NCKAP5: variants seen among roughly 807,000 people sequenced by gnomAD.
The protein encoded by NCKAP5 is NCK associated protein 5, also known as nck-associated protein 5.
Under a neutral mutation model 167.0 loss-of-function variants are expected in NCKAP5, and 92 were observed. The ratio of observed to expected loss-of-function variants is 0.55; its 90% CI spans 0.47 to 0.66. The LOEUF is 0.66. Among genes scored for constraint, NCKAP5 ranks in the 30% least tolerant of loss-of-function variants. NCKAP5 has a pLI of 0.00. For missense variants in NCKAP5, 2,378 were observed against 2,315.0 expected (o/e 1.03, Z -0.56); for synonymous variants, 891 against 877.4 (o/e 1.02, Z -0.27).
chr2:133,174,853 C>T (rs1269954268), intron 5 of NCKAP5, among the ~76,000 whole-genome samples: 3 of 152,118 alleles, frequency 2.0e-5, no homozygotes, highest in Non-Finnish European at 4.4e-5. Context: ...TGCGTGTTTA[C>T]TTCTACACCA....
the NCKAP5 span, among the ~76,000 whole-genome samples, chr2:133,612,349 A>G: frequency 2.2e-4 from 34 of 152,328 alleles, no homozygotes; most frequent in South Asian, 6.2e-4. Flanking sequence ...AAGAGAAAAG[A>G]AAAACTTGAA....
At chr2:133,177,313 A>T (rs570557802) in intron 5 of NCKAP5, among the ~76,000 whole-genome samples, 2 of 152,084 alleles carry the variant, frequency 1.3e-5, no homozygotes, top group African/African-American at 4.8e-5. Context: ...AAGAAAACGA[A>T]AAAAGGAACA....
At chr2:133,006,947 T>C (rs1258689088) in intron 6 of NCKAP5, among the ~76,000 whole-genome samples, 1 of 152,216 alleles carries the variant, frequency 6.6e-6, no homozygotes, top group Non-Finnish European at 1.5e-5. Flanking sequence ...TGCATGCTTC[T>C]TGTGACACTT....
chr2:133,052,078 A>G (rs1573876146), intron 6 of NCKAP5, among the ~76,000 whole-genome samples: 1 of 152,242 alleles, frequency 6.6e-6, no homozygotes, highest in East Asian at 1.9e-4. Context: ...GAATATTTGT[A>G]ACAAAACATT....
chr2:133,663,127 G>A, the NCKAP5 span, among the ~76,000 whole-genome samples: 16 of 152,064 alleles, frequency 1.1e-4, no homozygotes, highest in Non-Finnish European at 1.3e-4. Flanking sequence ...TTAGCTGGGC[G>A]CGGTGGCGGG....
chr2:133,396,175 T>C (rs1173439648), intron 3 of NCKAP5, among the ~76,000 whole-genome samples: 1 of 152,076 alleles, frequency 6.6e-6, no homozygotes, highest in Non-Finnish European at 1.5e-5. Context: ...ATGAACGTTG[T>C]CCATTCAAAT....
At chr2:133,423,979 T>C (rs569061342) in intron 3 of NCKAP5, among the ~76,000 whole-genome samples, 41 of 152,336 alleles carry the variant, frequency 2.7e-4, no homozygotes, top group African/African-American at 9.9e-4. Flanking sequence ...AATTGAATAA[T>C]ATTCATCCAA....
At chr2:132,767,185 C>T (rs1681573987) in intron 16 of NCKAP5, among the ~76,000 whole-genome samples, 1 of 152,180 alleles carries the variant, frequency 6.6e-6, no homozygotes, top group Non-Finnish European at 1.5e-5. Flanking sequence ...CCCAAATTTG[C>T]TCAAACCAGT....
chr2:133,418,617 C>T (rs1689273734), intron 3 of NCKAP5, among the ~76,000 whole-genome samples: 1 of 152,150 alleles, frequency 6.6e-6, no homozygotes, highest in Non-Finnish European at 1.5e-5. Flanking sequence ...TCTTGCCTCT[C>T]CCAGGTCTAC....
chr2:132,743,776 T>C (rs1415265249), intron 16 of NCKAP5, among the ~76,000 whole-genome samples: 1 of 151,670 alleles, frequency 6.6e-6, no homozygotes, highest in African/African-American at 2.4e-5. Context: ...ATACAAAATA[T>C]ACCTATTTAT....
chr2:132,880,568 T>C (rs1359432656), intron 8 of NCKAP5, among the ~76,000 whole-genome samples: 1 of 152,052 alleles, frequency 6.6e-6, no homozygotes, highest in African/African-American at 2.4e-5. Context: ...AGGTGCAGGA[T>C]GCAGTGAGTG....
rs763037528 is a variant in NCKAP5, at chr2:133,242,404, A to ATT, written c.144-28626_144-28625insAA. Among the ~76,000 whole-genome samples, 453 of 152,316 alleles carry ATT rather than the reference A, an allele frequency of 3.0e-3. 3 individuals carry two copies. Among genetic ancestry groups the ATT allele is most frequent in the Middle Eastern group, 0.014 (4 of 294 alleles). ...TCTAGCATGGAGGTGATACCCAAAT[A>ATT]TAAACAGGGCTGGTTTCAGAATTTC... On this transcript the variant is annotated intron_variant, in intron 4 of 19. Transcript: ENST00000409261.
intron 4 of NCKAP5, 109 bp downstream of exon 4, chr2:133,302,928 C>A: frequency 1.5e-6 from 1 of 665,826 alleles, no homozygotes; most frequent in Non-Finnish European, 2.5e-6. Context: ...AGTTTTTAGC[C>A]AGACAAGGAC....
chr2:133,362,233 C>T (rs548421323), intron 3 of NCKAP5, among the ~76,000 whole-genome samples: 3 of 152,260 alleles, frequency 2.0e-5, no homozygotes, highest in South Asian at 2.1e-4. Flanking sequence ...TCAAGACAAA[C>T]GATCACCGTG....
At chr2:132,713,193 G>A (rs1689029083) in intron 19 of NCKAP5, among the ~76,000 whole-genome samples, 1 of 152,098 alleles carries the variant, frequency 6.6e-6, no homozygotes, top group Non-Finnish European at 1.5e-5. Context: ...TATGGGGCTA[G>A]GGACACAGAG....
At chr2:133,441,030 C>G (rs1326319862) in intron 3 of NCKAP5, among the ~76,000 whole-genome samples, 1 of 152,058 alleles carries the variant, frequency 6.6e-6, no homozygotes, top group East Asian at 1.9e-4. Context: ...GCCTTTAAAG[C>G]TCCACATATT....
chr2:132,781,103 G>T lies in NCKAP5; in HGVS notation c.4998C>A (p.His1666Gln). The T allele has an allele frequency of 6.2e-7, 1 of 1,613,768 alleles. No individual in the cohort carries two copies. The highest frequency in any genetic ancestry group is 8.5e-7 in the Non-Finnish European group (1 of 1,179,818). ...CGGCTTTGATTTTCATGTTTTTCTT[G>T]TGGTTTCCTTGAGTACTGATAGAGC... ...IGSSISTQGN[H>Q]KKNMKIKADM... Residue 1666 changes from histidine to glutamine, a missense_variant, in exon 15 of 20, where the codon CAC (histidine) becomes CAA (glutamine). Transcript: ENST00000409261.
the NCKAP5 span, among the ~76,000 whole-genome samples, chr2:133,638,902 G>T: frequency 6.7e-6 from 1 of 148,896 alleles, no homozygotes; most frequent in African/African-American, 2.5e-5. Context: ...TAACAAACAA[G>T]CACAGCAGTA....
At chr2:133,483,059 A>G (rs1265682950) in intron 3 of NCKAP5, among the ~76,000 whole-genome samples, 3 of 152,152 alleles carry the variant, frequency 2.0e-5, no homozygotes, top group Non-Finnish European at 4.4e-5. Flanking sequence ...GAGTTCAAGT[A>G]TTTTTAACAT....
Sources: gnomAD v4.1 joint callset for allele counts (sites outside exome capture counted in the v4.1 genomes callset) on GRCh38, gnomAD v4.1.1 for gene constraint, MANE v1.5 for transcripts, NCBI Gene and HGNC (gene_info 2026-07-23, HGNC 2026-07-21) for gene names.